Variants in ELFN2 observed in about 807,000 individuals in gnomAD.
ELFN2 encodes protein phosphatase 1 regulatory subunit 29.
A neutral mutation model predicts 45.5 loss-of-function variants in ELFN2; 17 were observed. The ratio of observed to expected loss-of-function variants is 0.37; its 90% confidence interval spans 0.26 to 0.56. The LOEUF (loss-of-function observed/expected upper bound fraction) is 0.56. Ranked by LOEUF, ELFN2 falls within the 20% of genes least tolerant of loss-of-function variation. ELFN2 has a pLI of 0.77. For missense variants in ELFN2, 922 were observed against 1,183.2 expected (o/e 0.78, Z 3.24); for synonymous variants, 550 against 551.5 (o/e 1.00, Z 0.04).
chr22:37,418,626 G>A (rs1431584158), intron 1 of ELFN2, among the ~76,000 whole-genome samples: 1 of 143,850 alleles, frequency 7.0e-6, no homozygotes, highest in Non-Finnish European at 1.5e-5. Context: ...CCCCCTCCAT[G>A]GCCAACTACC....
At chr22:37,404,478 G>A (rs1050558906) in intron 2 of ELFN2, among the ~76,000 whole-genome samples, 3 of 152,122 alleles carry the variant, frequency 2.0e-5, no homozygotes, top group African/African-American at 7.2e-5. Flanking sequence ...CCCTGGAACA[G>A]GGAGCCTCAG....
At chr22:37,401,718 G>A (rs867834053) in intron 2 of ELFN2, among the ~76,000 whole-genome samples, 8 of 152,192 alleles carry the variant, frequency 5.3e-5, no homozygotes, top group African/African-American at 1.9e-4. Context: ...AAGCCGGCCC[G>A]GCAGCCCTCC....
chr22:37,375,669 G>T lies in ELFN2; in HGVS notation c.-135C>A. On this transcript the variant is annotated 5_prime_UTR_variant, in exon 3 of 3. Coordinates refer to ENST00000402918, the MANE Select transcript of ELFN2 (RefSeq NM_052906.5). ...CCCCCAGCACGGGGGCCCCAGGCAA[G>T]GTGGGTACAGCTAGTGCCAACTGCT... 1 of 1,023,292 alleles carries T rather than the reference G, an allele frequency of 9.8e-7. No homozygotes were observed. 63.4% of individuals were successfully genotyped at this position (1,023,292 alleles called of 1,614,324 possible). A position where few individuals can be genotyped will look rare whatever the true frequency, so the allele number is the denominator to read the frequency against.
chr22:37,389,746 C>T (rs1168901652), intron 2 of ELFN2, among the ~76,000 whole-genome samples: 2 of 152,218 alleles, frequency 1.3e-5, no homozygotes, highest in Non-Finnish European at 2.9e-5. Context: ...CTGTCTTCTC[C>T]ATGCCCCCTC....
intron 2 of ELFN2, among the ~76,000 whole-genome samples, chr22:37,342,165 C>G (rs1321434366): frequency 6.6e-6 from 1 of 152,132 alleles, no homozygotes. Flanking sequence ...GCAAGTCTTC[C>G]CCTGAAGACT....
At chr22:37,358,695 C>G (rs757512577) in intron 1 of ELFN2, among the ~76,000 whole-genome samples, 1 of 152,182 alleles carries the variant, frequency 6.6e-6, no homozygotes, top group African/African-American at 2.4e-5. Context: ...CGGTGATGGG[C>G]CTTCTCAGCA....
At chr22:37,427,222 T>A (rs1429633783) in intron 1 of ELFN2, 76 bp downstream of exon 1, 3 of 149,230 alleles carry the variant, frequency 2.0e-5, no homozygotes, top group Non-Finnish European at 4.4e-5. Flanking sequence ...GGGGGTGCCC[T>A]CCGGCTCCAG....
Position 37,375,252 on chromosome 22 carries a change from C to T in ELFN2, c.283G>A (p.Glu95Lys). The change falls in exon 3 of 3, where the codon GAG (glutamate) becomes AAG (lysine). Residue 95 changes from glutamate (E) to lysine (K), a missense_variant. Physicochemically the swap from Glu to Lys is moderately conservative, Grantham distance 56 (BLOSUM62 1). This residue lies in a region of ELFN2 where 358 missense variants were observed against 540.4 expected (regional missense o/e 0.66). Transcript: ENST00000402918. The stretch of plus-strand genomic sequence containing the variant: ...GACTGGCCCAGGAAGGCACCGTCCT[C>T]GATGTAGGAGATCTCGTTCTTGGTG... ...NLTKNEISYI[E>K]DGAFLGQSSL... is the part of the protein sequence containing the mutation. 1.2e-6 allele frequency: 2 copies of T among 1,614,092 alleles called. No homozygotes were observed. The highest frequency in any genetic ancestry group is 1.7e-6 in the Non-Finnish European group (2 of 1,180,008).
intron 2 of ELFN2, among the ~76,000 whole-genome samples, chr22:37,397,933 G>A (rs539491127): frequency 3.3e-5 from 5 of 152,188 alleles, no homozygotes; most frequent in Admixed American, 6.5e-5. Flanking sequence ...TCGGCAGCCC[G>A]CGCAGCTTCT....
downstream of ELFN2, among the ~76,000 whole-genome samples, chr22:37,364,369 G>A (rs77007692): frequency 0.019 from 2,857 of 152,284 alleles, 101 homozygotes; most frequent in African/African-American, 0.065. Flanking sequence ...GGGCTGCCAG[G>A]AAAGAGCCGG....
chr22:37,374,518 G>A lies in ELFN2; in HGVS notation c.1017C>T (p.Leu339=), dbSNP rs1569132431. ...GCGTCACGATCTCCTTCTTGTTCTT[G>A]AGGGTCATGACGTCGGAGAAGTAGC... ...NNSYFSDVMT[L]KNKKEIVTLD... is the part of the protein sequence containing the mutation. Residue 339 remains leucine, a synonymous_variant, in exon 3 of 3, where the codon CTC becomes CTT. Transcript: ENST00000402918. 2 of 1,614,136 alleles carry A rather than the reference G, an allele frequency of 1.2e-6. No homozygotes were observed. Among genetic ancestry groups the A allele is most frequent in the Admixed American group, 1.7e-5 (1 of 60,006 alleles).
chr22:37,346,417 CT>C (rs1298931458), intron 1 of ELFN2, among the ~76,000 whole-genome samples: 2 of 152,004 alleles, frequency 1.3e-5, no homozygotes, highest in Non-Finnish European at 2.9e-5. Context: ...AACCCAGGCC[CT>C]GGGTGGCCCT....
At chr22:37,377,274 A>G (rs1293638503) in intron 2 of ELFN2, among the ~76,000 whole-genome samples, 2 of 152,180 alleles carry the variant, frequency 1.3e-5, no homozygotes, top group Non-Finnish European at 2.9e-5. Context: ...CCCCTTGGAC[A>G]GACCTCAGCC....
chr22:37,408,293 CGG>C (rs1028753523), intron 2 of ELFN2, among the ~76,000 whole-genome samples: 2 of 152,230 alleles, frequency 1.3e-5, no homozygotes, highest in African/African-American at 4.8e-5. Context: ...CTCCCAATCA[CGG>C]GATCTGCGGC....
intron 1 of ELFN2, among the ~76,000 whole-genome samples, chr22:37,356,774 C>G (rs761471610): frequency 1.2e-4 from 18 of 152,200 alleles, no homozygotes; most frequent in Admixed American, 2.0e-4. Context: ...ACTTTGTCCA[C>G]GTTCCCACAG....
chr22:37,355,855 C>T (rs1930936241), intron 1 of ELFN2, among the ~76,000 whole-genome samples: 1 of 152,256 alleles, frequency 6.6e-6, no homozygotes, highest in Non-Finnish European at 1.5e-5. Flanking sequence ...TACGTCTTTT[C>T]TTCTACCTAT....
chr22:37,375,451 C>T lies in ELFN2; in HGVS notation c.84G>A (p.Glu28=), dbSNP rs201246136. Residue 28 remains glutamate, a synonymous_variant, in exon 3 of 3, where the codon GAG becomes GAA. Transcript: ENST00000402918. The part of the protein sequence containing the change: ...GAVRADCWLI[E]GDKGYVWLAI... ...CCAGCCACACGTAGCCCTTGTCGCC[C>T]TCAATGAGCCAGCAGTCGGCACGCA... 36 of 1,612,408 alleles carry T rather than the reference C, an allele frequency of 2.2e-5. No individual in the cohort carries two copies. In the East Asian group the frequency reaches 7.8e-4, roughly 35 times the overall value.
At chr22:37,424,967 T>A (rs1319601269) in intron 1 of ELFN2, among the ~76,000 whole-genome samples, 1 of 150,500 alleles carries the variant, frequency 6.6e-6, no homozygotes. Flanking sequence ...AGGCCCATGG[T>A]CTCCTTAACC....
At chr22:37,406,596 C>G (rs1322222819) in intron 2 of ELFN2, among the ~76,000 whole-genome samples, 3 of 152,222 alleles carry the variant, frequency 2.0e-5, no homozygotes, top group Non-Finnish European at 4.4e-5. Flanking sequence ...TCCCGTCCCC[C>G]GCTCTGCATC....
Sources: allele counts gnomAD v4.1 joint callset (sites outside exome capture counted in the v4.1 genomes callset), GRCh38; gene constraint gnomAD v4.1.1; regional missense constraint gnomAD v4.1.1; transcripts MANE v1.5; gene names NCBI Gene and HGNC (gene_info 2026-07-23, HGNC 2026-07-21).